Variants in ARHGAP28 observed in about 807,000 individuals in gnomAD.
ARHGAP28 encodes Rho GTPase activating protein 28.
In ARHGAP28, 56 loss-of-function variants were observed where a neutral mutation model predicts 90.7. That is an observed-to-expected ratio of 0.62 (90% confidence interval 0.50 to 0.77). The LOEUF (loss-of-function observed/expected upper bound fraction) is 0.77, where lower values mean the gene tolerates loss of function less well. Among genes scored for constraint, ARHGAP28 ranks in the 30% least tolerant of loss-of-function variants. ARHGAP28 has a pLI of 0.00. For missense variants in ARHGAP28, 869 were observed against 900.9 expected, an observed-to-expected ratio of 0.96 and a Z score of 0.45; for synonymous variants, 308 against 323.3, an observed-to-expected ratio of 0.95 and a Z score of 0.51.
intron 1 of ARHGAP28, among the ~76,000 whole-genome samples, chr18:6,739,938 T>C (rs1207070365): frequency 6.6e-6 from 1 of 151,782 alleles, no homozygotes; most frequent in African/African-American, 2.4e-5. Context: ...CACCGCAACT[T>C]CCACCTCCCA....
At position 6,913,213 on chromosome 18, in the gene ARHGAP28, G is replaced by T. The variant is rs1020853485; in HGVS notation, c.*1059G>T. 1 of 152,182 alleles carries T rather than the reference G, an allele frequency of 6.6e-6. No individual in the cohort carries two copies. Among genetic ancestry groups the T allele is most frequent in the African/African-American group, 2.4e-5 (1 of 41,434 alleles). The allele number at this position is 152,182 out of a possible 1,614,324, so 9.4% of individuals were successfully genotyped here. On this transcript the variant is annotated 3_prime_UTR_variant, in exon 18 of 18. Transcript: ENST00000383472. ...AGGCTTAAAATCAGATGCATGTCTG[G>T]TAAGATGACCACTGTCTCACTATCA...
chr18:6,736,662 A>T (rs977104735), intron 1 of ARHGAP28, among the ~76,000 whole-genome samples: 3 of 149,526 alleles, frequency 2.0e-5, no homozygotes, highest in African/African-American at 7.4e-5. Context: ...CAGGAGAATC[A>T]CTTGAACCCA....
At chr18:6,838,422 T>C (rs1305226020) in intron 3 of ARHGAP28, among the ~76,000 whole-genome samples, 2 of 152,212 alleles carry the variant, frequency 1.3e-5, no homozygotes, top group Non-Finnish European at 2.9e-5. Flanking sequence ...TATCTTCTTT[T>C]AGTTAAAGTA....
At chr18:6,884,461 T>C (rs1185835325) in intron 11 of ARHGAP28, among the ~76,000 whole-genome samples, 1 of 152,240 alleles carries the variant, frequency 6.6e-6, no homozygotes, top group Non-Finnish European at 1.5e-5. Flanking sequence ...TGGGTTACAC[T>C]TTCCTTGTTA....
chr18:6,887,269 T>C, intron 12 of ARHGAP28, 30 bp downstream of exon 12: 1 of 1,602,736 alleles, frequency 6.2e-7, no homozygotes, highest in Non-Finnish European at 8.5e-7. Context: ...CAGCTTGTCC[T>C]GGGGCTCTTA....
chr18:6,866,641 C>A (rs1297986400), intron 5 of ARHGAP28, among the ~76,000 whole-genome samples: 1 of 152,158 alleles, frequency 6.6e-6, no homozygotes, highest in East Asian at 1.9e-4. Flanking sequence ...TTATTCTGTT[C>A]TTCTCATTGT....
intron 13 of ARHGAP28, 151 bp downstream of exon 13, chr18:6,890,236 G>C: frequency 1.1e-6 from 1 of 909,252 alleles, no homozygotes; most frequent in Non-Finnish European, 1.7e-6. Flanking sequence ...CTTCTGGAAG[G>C]GCTGCTCTTC....
At chr18:6,838,827 C>G (rs1392823415) in intron 3 of ARHGAP28, among the ~76,000 whole-genome samples, 4 of 152,170 alleles carry the variant, frequency 2.6e-5, no homozygotes, top group African/African-American at 9.7e-5. Context: ...GGATTGTCTA[C>G]AGCTGTAACT....
chr18:6,848,263 A>T (rs2056882149), intron 3 of ARHGAP28, among the ~76,000 whole-genome samples: 1 of 151,684 alleles, frequency 6.6e-6, no homozygotes, highest in African/African-American at 2.4e-5. Context: ...CTGCTATGGT[A>T]CTCTTTTCTG....
At chr18:6,790,560 T>C (rs1002618145) in intron 1 of ARHGAP28, 4 of 152,258 alleles carry the variant, frequency 2.6e-5, no homozygotes, top group East Asian at 1.9e-4. Flanking sequence ...TTTGATATAC[T>C]GCACTGGGAG....
chr18:6,861,790 G>A (rs1036535603), intron 5 of ARHGAP28, among the ~76,000 whole-genome samples: 31 of 152,260 alleles, frequency 2.0e-4, no homozygotes, highest in African/African-American at 5.8e-4. Flanking sequence ...TCTTCGCATC[G>A]TTGGTTCATT....
intron 11 of ARHGAP28, 141 bp downstream of exon 11, chr18:6,882,440 G>C: frequency 1.3e-6 from 1 of 747,792 alleles, no homozygotes; most frequent in Non-Finnish European, 2.0e-6. Flanking sequence ...AAGTTTGATG[G>C]CAAACAGTCA....
At position 6,912,740 on chromosome 18, in the gene ARHGAP28, A is replaced by G. The variant is rs1340751262; in HGVS notation, c.*586A>G. 6.6e-6 allele frequency: 1 copy of G among 152,242 alleles called. No homozygotes were observed. Among genetic ancestry groups the G allele is most frequent in the Non-Finnish European group, 1.5e-5 (1 of 68,046 alleles). The allele number at this position is 152,242 out of a possible 1,614,324, so 9.4% of individuals were successfully genotyped here. ...TGTTTACAGAAAACTGTATTGTTATATATGTCAGGCTGTGTATTGTGACTA... is the reference window on the plus strand; with the variant it reads ...TGTTTACAGAAAACTGTATTGTTATGTATGTCAGGCTGTGTATTGTGACTA... On this transcript the variant is annotated 3_prime_UTR_variant, in exon 18 of 18. Coordinates refer to ENST00000383472, the MANE Select transcript of ARHGAP28 (RefSeq NM_001366230.1).
At chr18:6,871,147 G>A (rs34696611) in intron 7 of ARHGAP28, among the ~76,000 whole-genome samples, 57,305 of 152,060 alleles carry the variant, frequency 0.38, 12,466 homozygotes, top group Non-Finnish European at 0.49. Flanking sequence ...GGATTTCAGC[G>A]GCCAGGCATC....
chr18:6,781,386 CG>C (rs894904884), intron 1 of ARHGAP28, among the ~76,000 whole-genome samples: 3 of 152,162 alleles, frequency 2.0e-5, no homozygotes, highest in Admixed American at 2.0e-4. Context: ...GCCCCTGCCA[CG>C]GGGATCCTTA....
intron 2 of ARHGAP28, among the ~76,000 whole-genome samples, chr18:6,833,549 C>A (rs2056731438): frequency 6.6e-6 from 1 of 151,990 alleles, no homozygotes; most frequent in Non-Finnish European, 1.5e-5. Flanking sequence ...ATAGATGCTC[C>A]TCTACATCAG....
chr18:6,905,000 A>G (rs990775815), intron 16 of ARHGAP28, among the ~76,000 whole-genome samples: 2 of 152,152 alleles, frequency 1.3e-5, no homozygotes, highest in Non-Finnish European at 2.9e-5. Flanking sequence ...TAAAGAATTA[A>G]CACTAATCTA....
chr18:6,851,063 TC>T lies in ARHGAP28; in HGVS notation c.574del (p.Gln192SerfsTer78). 6.2e-7 allele frequency: 1 copy of T among 1,614,076 alleles called. No homozygotes were observed. On this transcript the variant is annotated frameshift_variant, in exon 4 of 18. Coordinates refer to ENST00000383472, the MANE Select transcript of ARHGAP28 (RefSeq NM_001366230.1). LOFTEE classifies it high-confidence loss of function. ...GTGATACCTGTGGCAACCACACTAATCAGCTGGATGGCACCAAGGAAGAAAG... is the reference window on the plus strand; with the variant it reads ...GTGATACCTGTGGCAACCACACTAATAGCTGGATGGCACCAAGGAAGAAAG... ...PRDTCGNHTNQLDGTKEEREL... is the reference protein window; with the variant it reads ...PRDTCGNHTNXLDGTKEEREL...
At chr18:6,898,859 C>A in intron 16 of ARHGAP28, 2 of 694,532 alleles carry the variant, frequency 2.9e-6, no homozygotes, top group Non-Finnish European at 3.7e-6. Flanking sequence ...CTAAGAATGA[C>A]ACCATGGACT....
Sources: allele counts gnomAD v4.1 joint callset (sites outside exome capture counted in the v4.1 genomes callset), GRCh38; gene constraint gnomAD v4.1.1; transcripts MANE v1.5; gene names NCBI Gene and HGNC (gene_info 2026-07-23, HGNC 2026-07-21).